The following MAP3K6 variants were observed in gnomAD, a reference collection of about 807,000 sequenced individuals.
The protein encoded by MAP3K6 is apoptosis signal-regulating kinase 2.
A neutral mutation model predicts 147.1 loss-of-function variants in MAP3K6; 105 were observed. That is an observed-to-expected ratio of 0.71 (90% CI 0.61 to 0.84). The LOEUF (loss-of-function observed/expected upper bound fraction) is 0.84. MAP3K6 is among the 40% of genes least tolerant of loss of function. The probability of loss-of-function intolerance (pLI) is 0.00; values close to 1 mark genes in which losing one functional copy is unlikely to be tolerated. For missense variants in MAP3K6, 1,569 were observed against 1,715.0 expected (o/e 0.91, Z 1.50); for synonymous variants, 695 against 732.4 (o/e 0.95, Z 0.82).
chr1:27,358,708 C>A lies in MAP3K6; in HGVS notation c.2583+1G>T, dbSNP rs942722419. ...ATGGGCCAGGCCCAAAGAGGTCTCA[C>A]CTGAAACATGGCAGCCTGTGGGCTC... is the stretch of plus-strand genomic sequence containing the variant. On this transcript the variant is annotated splice_donor_variant, in intron 19 of 28. Transcript: ENST00000357582. LOFTEE classifies it high-confidence loss of function. This position sits in a 1 kb window ranked among gnomAD's most constrained non-coding sequence, Gnocchi z 6.2. The A allele has an allele frequency of 6.2e-7, 1 of 1,613,812 alleles. No homozygotes were observed. Among genetic ancestry groups the A allele is most frequent in the Admixed American group, 1.7e-5 (1 of 60,008 alleles).
In MAP3K6 at chr1:27,360,543, G is replaced by A. The variant is rs1029828005; in HGVS notation, c.2054+162C>T. Among the ~76,000 whole-genome samples the A allele has an allele frequency of 7.1e-6, 1 of 140,002 alleles. No individual in the cohort carries two copies. Among genetic ancestry groups the A allele is most frequent in the Non-Finnish European group, 1.5e-5 (1 of 65,054 alleles). 91.8% of individuals were successfully genotyped at this position (140,002 alleles called of 152,430 possible). ...CTCCAGACCTCAATCCCGCCCGCAC[G>A]GTCCTGGCTGTTCCGCCCACGGGCC... On this transcript the variant is annotated intron_variant, in intron 15 of 28. Transcript: ENST00000357582. This position sits in a 1 kb window ranked among gnomAD's most constrained non-coding sequence, Gnocchi z 4.5.
Position 27,359,851 on chromosome 1 carries a change from G to C in MAP3K6, c.2319+7C>G, listed in dbSNP as rs1196828295. On this transcript the variant is annotated splice_region_variant and intron_variant, in intron 17 of 28. Transcript: ENST00000357582. The surrounding 1 kb of genome is among the most constrained non-coding windows in gnomAD (Gnocchi z 4.4). ...GCAGATGAGGGCGGGCCAGCCCCAGGGCTTACTTTTATGTCCCTGTGCACG... is the reference window on the plus strand; with the variant it reads ...GCAGATGAGGGCGGGCCAGCCCCAGCGCTTACTTTTATGTCCCTGTGCACG... 6.2e-7 allele frequency: 1 copy of C among 1,614,070 alleles called. No individual in the cohort carries two copies. Among genetic ancestry groups the C allele is most frequent in the South Asian group, 1.1e-5 (1 of 91,074 alleles).
rs766105386 is a variant in MAP3K6, at chr1:27,356,576, C to A, written c.3524+14G>T. 6.9e-5 allele frequency: 111 copies of A among 1,612,024 alleles called. 1 individual carries two copies. In the Middle Eastern group the frequency reaches 8.3e-4, roughly 12 times the overall value. The stretch of plus-strand genomic sequence containing the variant: ...AGCCCGGCAGAGGCTATGAGCGATT[C>A]CAAGGGGCTTTACCGATCAGTCTCT... On this transcript the variant is annotated intron_variant, in intron 25 of 28. Coordinates refer to ENST00000357582, the MANE Select transcript of MAP3K6 (RefSeq NM_004672.5).
chr1:27,364,797 G>C lies in MAP3K6; in HGVS notation c.456C>G (p.Asp152Glu). 1 of 1,613,740 alleles carries C rather than the reference G, an allele frequency of 6.2e-7. No homozygotes were observed. The highest frequency in any genetic ancestry group is 8.5e-7 in the Non-Finnish European group (1 of 1,179,652). ...CCCGCAGGGCCTGCAGGTCAGGGAG[G>C]TCGGCCTGGGAGCAGAGGAGCACAT... The part of the protein sequence containing the change: ...TNNVLLCSQA[D>E]LPDLQALRED... The change falls in exon 2 of 29, where the codon GAC becomes GAG. Residue 152 changes from aspartate to glutamate, a missense_variant. By Grantham distance (45) the Asp-to-Glu change is conservative. Coordinates refer to ENST00000357582, the MANE Select transcript of MAP3K6 (RefSeq NM_004672.5). The surrounding 1 kb of genome is among the most constrained non-coding windows in gnomAD (Gnocchi z 4.4).
At chr1:27,356,252 C>G (rs532883269) in intron 26 of MAP3K6, 136 bp downstream of exon 26, 7 of 1,077,372 alleles carry the variant, frequency 6.5e-6, no homozygotes, top group East Asian at 5.1e-5. Flanking sequence ...GAAGCTGCCT[C>G]GAACCCACCA....
Position 27,359,940 on chromosome 1 carries a change from C to T in MAP3K6, c.2237G>A (p.Ser746Asn). 6.2e-7 allele frequency: 1 copy of T among 1,614,056 alleles called. No individual in the cohort carries two copies. The highest frequency in any genetic ancestry group is 8.5e-7 in the Non-Finnish European group (1 of 1,179,990). ...CTGGCGGGTGTAGAAACTGATGGTG[C>T]TCTCGTTGTCCTTCAGGGGTCCCCA... Reference protein sequence around the residue: ...SVWGPLKDNESTISFYTRQIL... With the variant: ...SVWGPLKDNENTISFYTRQIL... The change falls in exon 17 of 29, where the codon AGC becomes AAC. Residue 746 changes from serine (S) to asparagine (N), a missense_variant. Transcript: ENST00000357582. This position sits in a 1 kb window ranked among gnomAD's most constrained non-coding sequence, Gnocchi z 4.4.
rs760174649 is a variant in MAP3K6, at chr1:27,366,292, G to T, written c.306C>A (p.Gly102=). The change falls in exon 1 of 29, where the codon GGC becomes GGA. Residue 102 remains glycine, a synonymous_variant. Transcript: ENST00000357582. The surrounding 1 kb of genome is among the most constrained non-coding windows in gnomAD (Gnocchi z 5.5). Reference sequence around the variant, plus strand: ...AGAAGGCATCCAGAGCCGCGGTGTCGCCTAGCTCCAGCGTCCCGAAGGGCA... The same window carrying T: ...AGAAGGCATCCAGAGCCGCGGTGTCTCCTAGCTCCAGCGTCCCGAAGGGCA... ...RSLPFGTLEL[G]DTAALDAFYN... The T allele has an allele frequency of 2.2e-6, 3 of 1,334,006 alleles. No individual in the cohort carries two copies. Among genetic ancestry groups the T allele is most frequent in the Admixed American group, 7.4e-5 (2 of 26,962 alleles). The allele number at this position is 1,334,006 out of a possible 1,614,324, so 82.6% of individuals were successfully genotyped here.
Position 27,360,909 on chromosome 1 carries a change from C to T in MAP3K6, c.1920+12G>A. The T allele has an allele frequency of 6.2e-7, 1 of 1,608,000 alleles. No individual in the cohort carries two copies. The highest frequency in any genetic ancestry group is 8.5e-7 in the Non-Finnish European group (1 of 1,176,868). ...CCTCGCCCTCCGCGAGCTCCCAGTC[C>T]CGCGTCCTCACCTCCAACATCTCCC... On this transcript the variant is annotated intron_variant, in intron 14 of 28. Transcript: ENST00000357582. The surrounding 1 kb of genome is among the most constrained non-coding windows in gnomAD (Gnocchi z 4.5).
Position 27,364,438 on chromosome 1 carries a change from C to A in MAP3K6, c.505-44G>T. 1 of 1,603,686 alleles carries A rather than the reference C, an allele frequency of 6.2e-7. No individual in the cohort carries two copies. The highest frequency in any genetic ancestry group is 8.5e-7 in the Non-Finnish European group (1 of 1,171,964). On this transcript the variant is annotated intron_variant, in intron 3 of 28. Coordinates refer to ENST00000357582, the MANE Select transcript of MAP3K6 (RefSeq NM_004672.5). This position sits in a 1 kb window ranked among gnomAD's most constrained non-coding sequence, Gnocchi z 4.4. The stretch of plus-strand genomic sequence containing the variant: ...GAATCAGTGAGGTCAGAGGTCAGCA[C>A]AGGGCTAGACAAGGGGAGTGAGAGC...
In MAP3K6 at chr1:27,366,331, C is replaced by T; in HGVS notation, c.267G>A (p.Pro89=). The T allele has an allele frequency of 7.7e-7, 1 of 1,295,576 alleles. No individual in the cohort carries two copies. 80.3% of individuals were successfully genotyped at this position (1,295,576 alleles called of 1,614,324 possible). A position where few individuals can be genotyped will look rare whatever the true frequency, so the allele number is the denominator to read the frequency against. ...TCCCGAAGGGCAGGCTGCGCAGCTG[C>T]GGGGGCGGCCGCGGCCGGGGGACCT... ...CAQVPRPRPP[P]QLRSLPFGTL... The change falls in exon 1 of 29, where the codon CCG becomes CCA. Residue 89 remains proline, a synonymous_variant. Coordinates refer to ENST00000357582, the MANE Select transcript of MAP3K6 (RefSeq NM_004672.5). The surrounding 1 kb of genome is among the most constrained non-coding windows in gnomAD (Gnocchi z 5.5).
intron 9 of MAP3K6, 36 bp downstream of exon 9, chr1:27,362,055 C>T (rs1452056434): frequency 6.3e-7 from 1 of 1,585,056 alleles, no homozygotes; most frequent in African/African-American, 1.3e-5. Context: ...AGCTGACAGC[C>T]CAGGTCAGGC....
At position 27,358,514 on chromosome 1, in the gene MAP3K6, C is replaced by T. The variant is rs1442062580; in HGVS notation, c.2681G>A (p.Arg894Gln). 12 of 1,606,016 alleles carry T rather than the reference C, an allele frequency of 7.5e-6. No individual in the cohort carries two copies. The highest frequency in any genetic ancestry group is 1.0e-5 in the Non-Finnish European group (12 of 1,177,700). The change falls in exon 20 of 29, where the codon CGA becomes CAA. Residue 894 changes from arginine (R) to glutamine (Q), a missense_variant. Arg to Gln is a conservative substitution (Grantham distance 43, BLOSUM62 1). Transcript: ENST00000357582. This position sits in a 1 kb window ranked among gnomAD's most constrained non-coding sequence, Gnocchi z 6.2. ...CCCCAGCAGTGTCTGGGCGCTGGCT[C>T]GGAGGCGGGGGTCTGGCTCAAAAGT... ...LRTFEPDPRLRASAQTLLGDP... is the reference protein window; with the variant it reads ...LRTFEPDPRLQASAQTLLGDP...
At chr1:27,363,059 C>T in intron 6 of MAP3K6, 38 bp from the exon 7 acceptor site, 1 of 1,576,310 alleles carries the variant, frequency 6.3e-7, no homozygotes, top group Non-Finnish European at 8.6e-7. Context: ...CCTGATGGCC[C>T]TGGCCTACTC....
In MAP3K6 at chr1:27,359,802, A is replaced by G. The variant is rs569268198; in HGVS notation, c.2319+56T>C. On this transcript the variant is annotated intron_variant, in intron 17 of 28. Transcript: ENST00000357582. This position sits in a 1 kb window ranked among gnomAD's most constrained non-coding sequence, Gnocchi z 4.4. ...AAACTGCCAGCCTGCGTCTGGGACCATGTTTCCTTCCCCGCCACCCTCAGC... is the reference window on the plus strand; with the variant it reads ...AAACTGCCAGCCTGCGTCTGGGACCGTGTTTCCTTCCCCGCCACCCTCAGC... 57 of 1,607,590 alleles carry G rather than the reference A, an allele frequency of 3.5e-5. No homozygotes were observed. The Admixed American group carries it at 4.7e-4, about 13-fold the overall frequency.
chr1:27,366,196 C>A lies in MAP3K6; in HGVS notation c.340+62G>T. ...CCCTCCCTTGAGCCTTCGAGCCCGGCTTGGTCCCCTCCCAGGACCCTGAGT... is the reference window on the plus strand; with the variant it reads ...CCCTCCCTTGAGCCTTCGAGCCCGGATTGGTCCCCTCCCAGGACCCTGAGT... On this transcript the variant is annotated intron_variant, in intron 1 of 28. Transcript: ENST00000357582. This position sits in a 1 kb window ranked among gnomAD's most constrained non-coding sequence, Gnocchi z 5.5. The A allele has an allele frequency of 7.9e-7, 1 of 1,260,548 alleles. No individual in the cohort carries two copies. Among genetic ancestry groups the A allele is most frequent in the Non-Finnish European group, 1.0e-6 (1 of 1,001,712 alleles). The allele number at this position is 1,260,548 out of a possible 1,614,324, so 78.1% of individuals were successfully genotyped here.
In MAP3K6 at chr1:27,366,352, G is replaced by A. The variant is rs1277738385; in HGVS notation, c.246C>T (p.Val82=). 4.7e-6 allele frequency: 6 copies of A among 1,283,582 alleles called. No individual in the cohort carries two copies. The highest frequency in any genetic ancestry group is 5.9e-6 in the Non-Finnish European group (6 of 1,016,882). 79.5% of individuals were successfully genotyped at this position (1,283,582 alleles called of 1,614,324 possible). A position where few individuals can be genotyped will look rare whatever the true frequency, so the allele number is the denominator to read the frequency against. Residue 82 remains valine (V), a synonymous_variant, in exon 1 of 29, where the codon GTC becomes GTT. Transcript: ENST00000357582. This position sits in a 1 kb window ranked among gnomAD's most constrained non-coding sequence, Gnocchi z 5.5. ...LRCLREACAQ[V]PRPRPPPQLR... is the part of the protein sequence containing the mutation. Reference sequence around the variant, plus strand: ...GCTGCGGGGGCGGCCGCGGCCGGGGGACCTGCGCGCAAGCCTCGCGCAGGC... The same window carrying A: ...GCTGCGGGGGCGGCCGCGGCCGGGGAACCTGCGCGCAAGCCTCGCGCAGGC...
Position 27,364,518 on chromosome 1 carries a change from G to T in MAP3K6, c.505-124C>A. 5 of 1,535,014 alleles carry T rather than the reference G, an allele frequency of 3.3e-6. No homozygotes were observed. Among genetic ancestry groups the T allele is most frequent in the Non-Finnish European group, 4.5e-6 (5 of 1,109,694 alleles). ...ATCGCAGGAAAGGGGCACCCGTCAT[G>T]AGAGGAGGCAACAGGAAACAGAGGA... On this transcript the variant is annotated intron_variant, in intron 3 of 28. Coordinates refer to ENST00000357582, the MANE Select transcript of MAP3K6 (RefSeq NM_004672.5). This position sits in a 1 kb window ranked among gnomAD's most constrained non-coding sequence, Gnocchi z 4.4.
rs1042529439 is a variant in MAP3K6 at position 27,361,107 on chromosome 1, C to T, written c.1832+50G>A. 8 of 1,551,174 alleles carry T rather than the reference C, an allele frequency of 5.2e-6. No individual in the cohort carries two copies. The South Asian group carries it at 8.3e-5, about 16-fold the overall frequency. Reference sequence around the variant, plus strand: ...TCGTCCCTTTCTTTCCCCCACTCCCCCCCGGGCATCCTGGCCCTCAGAGTA... The same window carrying T: ...TCGTCCCTTTCTTTCCCCCACTCCCTCCCGGGCATCCTGGCCCTCAGAGTA... On this transcript the variant is annotated intron_variant, in intron 13 of 28. Transcript: ENST00000357582.
In MAP3K6 at chr1:27,355,765, C is replaced by T. The variant is rs370126739; in HGVS notation, c.3712-20G>A. The T allele has an allele frequency of 5.6e-6, 9 of 1,608,214 alleles. No individual in the cohort carries two copies. Among genetic ancestry groups the T allele is most frequent in the Admixed American group, 1.7e-5 (1 of 59,982 alleles). On this transcript the variant is annotated intron_variant, in intron 27 of 28. Coordinates refer to ENST00000357582, the MANE Select transcript of MAP3K6 (RefSeq NM_004672.5). Reference sequence around the variant, plus strand: ...CAACAGCTGGATGTGGTCAAAGACCCGCAGAAAGAGGGAAATAAGAAATTA... The same window carrying T: ...CAACAGCTGGATGTGGTCAAAGACCTGCAGAAAGAGGGAAATAAGAAATTA...
Sources: allele counts gnomAD v4.1 joint callset (sites outside exome capture counted in the v4.1 genomes callset), GRCh38; gene constraint gnomAD v4.1.1; non-coding constraint Gnocchi (gnomAD v3.1); transcripts MANE v1.5; gene names NCBI Gene and HGNC (gene_info 2026-07-23, HGNC 2026-07-21).